GRIP1: variants seen among roughly 807,000 people sequenced by gnomAD.
GRIP1 encodes the protein glutamate receptor-interacting protein 1.
Under a neutral mutation model 129.9 loss-of-function variants are expected in GRIP1, and 45 were observed. The ratio of observed to expected loss-of-function variants is 0.35; its 90% CI spans 0.27 to 0.44. The LOEUF is 0.44. Ranked by LOEUF, GRIP1 falls within the 20% of genes least tolerant of loss-of-function variation. The probability of loss-of-function intolerance (pLI) is 1.00; values close to 1 mark genes in which losing one functional copy is unlikely to be tolerated. For missense variants in GRIP1, 1,196 were observed against 1,396.8 expected (o/e 0.86, Z 2.29); for synonymous variants, 530 against 520.8 (o/e 1.02, Z -0.24).
intron 1 of GRIP1, among the ~76,000 whole-genome samples, chr12:67,000,042 T>C (rs2042528357): frequency 6.6e-6 from 1 of 152,194 alleles, no homozygotes; most frequent in South Asian, 2.1e-4. Context: ...GCTCACAGAG[T>C]GACAGATCAT....
At chr12:66,567,296 A>G (rs1020646803) in intron 2 of GRIP1, among the ~76,000 whole-genome samples, 1 of 152,180 alleles carries the variant, frequency 6.6e-6, no homozygotes, top group African/African-American at 2.4e-5. Context: ...ACTGCTTTAA[A>G]TGTCTCCTGG....
At position 66,796,574 on chromosome 12, in the gene GRIP1, C is replaced by G. The variant is rs544135923; in HGVS notation, c.-420+7479G>C. On this transcript the variant is annotated intron_variant, in intron 1 of 4. Coordinates refer to the GRIP1 transcript ENST00000538373. Reference sequence around the variant, plus strand: ...ACACCTCCACCACTCCATCCCAAAACTTTGATCTGGTTTTCTTCATTGTAC... The same window carrying G: ...ACACCTCCACCACTCCATCCCAAAAGTTTGATCTGGTTTTCTTCATTGTAC... 7.2e-5 allele frequency among the ~76,000 whole-genome samples: 11 copies of G among 152,232 alleles called. No homozygotes were observed. The South Asian group carries it at 2.3e-3, about 32-fold the overall frequency.
intron 1 of GRIP1, among the ~76,000 whole-genome samples, chr12:66,835,736 G>A (rs57685342): frequency 0.16 from 24,582 of 152,176 alleles, 2,137 homozygotes; most frequent in East Asian, 0.37. Flanking sequence ...AGTGATTGTT[G>A]GGTGTTGGGG....
At chr12:67,020,144 C>G (rs1482962985) in intron 1 of GRIP1, among the ~76,000 whole-genome samples, 3 of 152,042 alleles carry the variant, frequency 2.0e-5, no homozygotes, top group Non-Finnish European at 4.4e-5. Flanking sequence ...ATGTAGAAAA[C>G]AGTTTTCAAT....
chr12:66,624,408 GA>G (rs1326407713), intron 1 of GRIP1, among the ~76,000 whole-genome samples: 1 of 152,020 alleles, frequency 6.6e-6, no homozygotes, highest in Non-Finnish European at 1.5e-5. Flanking sequence ...CCTAAAGAGA[GA>G]AAAAAATTAG....
intron 1 of GRIP1, among the ~76,000 whole-genome samples, chr12:66,675,345 C>A (rs544050830): frequency 6.6e-6 from 1 of 152,034 alleles, no homozygotes; most frequent in African/African-American, 2.4e-5. Context: ...CACGAAAGTT[C>A]AGATCTCGGA....
At chr12:66,969,826 C>T (rs2042047259) in intron 1 of GRIP1, among the ~76,000 whole-genome samples, 2 of 152,006 alleles carry the variant, frequency 1.3e-5, no homozygotes, top group Non-Finnish European at 2.9e-5. Flanking sequence ...TCTGAGTGAC[C>T]CTTCAGAGGC....
intron 1 of GRIP1, among the ~76,000 whole-genome samples, chr12:66,723,322 T>C (rs1291557346): frequency 2.9e-4 from 30 of 102,794 alleles, no homozygotes; most frequent in African/African-American, 9.3e-4. Flanking sequence ...TTTTTTTTTT[T>C]TTTTTTTTGA....
chr12:66,802,549 C>T (rs966981609), intron 1 of GRIP1, among the ~76,000 whole-genome samples: 9 of 152,046 alleles, frequency 5.9e-5, no homozygotes, highest in Non-Finnish European at 1.2e-4. Context: ...CAGAGTAATT[C>T]TATTGTTTTT....
intron 13 of GRIP1, among the ~76,000 whole-genome samples, chr12:66,436,974 CAAAAAAA>C (rs71069003): frequency 3.3e-4 from 38 of 113,544 alleles, no homozygotes; most frequent in South Asian, 1.5e-3. Context: ...ACTCTGTCTC[CAAAAAAA>C]AAAAAAAAAA....
chr12:66,711,045 C>T (rs1317863996), intron 1 of GRIP1, among the ~76,000 whole-genome samples: 1 of 151,690 alleles, frequency 6.6e-6, no homozygotes, highest in Non-Finnish European at 1.5e-5. Context: ...TCTTTTCCTT[C>T]ATTCTTCATA....
At chr12:66,878,082 G>T (rs1305919333) in intron 1 of GRIP1, among the ~76,000 whole-genome samples, 2 of 152,022 alleles carry the variant, frequency 1.3e-5, no homozygotes, top group Admixed American at 1.3e-4. Flanking sequence ...TGGCTGTTCT[G>T]AAGTCCCTTC....
intron 9 of GRIP1, among the ~76,000 whole-genome samples, chr12:66,461,794 A>T (rs1253319418): frequency 2.6e-5 from 4 of 152,186 alleles, no homozygotes; most frequent in African/African-American, 9.7e-5. Context: ...ACACAATACA[A>T]ATGACCCCCT....
chr12:66,427,507 C>G (rs2137912441), intron 14 of GRIP1, among the ~76,000 whole-genome samples: 1 of 152,214 alleles, frequency 6.6e-6, no homozygotes, highest in Admixed American at 6.5e-5. Flanking sequence ...CAAGAAGATA[C>G]AATACTGAGA....
chr12:66,880,964 G>C (rs2040467515), intron 1 of GRIP1, among the ~76,000 whole-genome samples: 1 of 151,128 alleles, frequency 6.6e-6, no homozygotes, highest in Admixed American at 6.6e-5. Context: ...TTGAAGTCAG[G>C]TTTTCAGGTA....
intron 1 of GRIP1, among the ~76,000 whole-genome samples, chr12:66,648,947 G>C (rs2032578470): frequency 6.6e-6 from 1 of 152,102 alleles, no homozygotes; most frequent in African/African-American, 2.4e-5. Context: ...TTATAAACAA[G>C]TTTATTTGGT....
chr12:66,366,840 C>T (rs181256227), intron 23 of GRIP1, among the ~76,000 whole-genome samples: 25 of 128,604 alleles, frequency 1.9e-4, no homozygotes, highest in African/African-American at 5.9e-4. Flanking sequence ...CAAGCCACCA[C>T]GCCCGGCTAA....
At chr12:66,453,506 G>T (rs1452503091) in intron 11 of GRIP1, among the ~76,000 whole-genome samples, 3 of 152,210 alleles carry the variant, frequency 2.0e-5, no homozygotes, top group African/African-American at 7.2e-5. Flanking sequence ...TCGTTAAAAA[G>T]ATTGAACTTT....
intron 1 of GRIP1, among the ~76,000 whole-genome samples, chr12:66,722,041 C>T (rs1369231893): frequency 1.3e-5 from 2 of 152,190 alleles, no homozygotes; most frequent in Non-Finnish European, 1.5e-5. Context: ...ACCATTAAAA[C>T]TTTCTCCGTA....
Sources: gnomAD v4.1 joint callset for allele counts (sites outside exome capture counted in the v4.1 genomes callset) on GRCh38, gnomAD v4.1.1 for gene constraint, MANE v1.5 for transcripts, NCBI Gene and HGNC (gene_info 2026-07-23, HGNC 2026-07-21) for gene names.